CD4: variants seen among roughly 807,000 people sequenced by gnomAD.
CD4 encodes the protein CD4 molecule, also known as T-cell surface glycoprotein CD4.
A neutral mutation model predicts 50.5 loss-of-function variants in CD4; 25 were observed. The ratio of observed to expected loss-of-function variants is 0.49; its 90% CI spans 0.36 to 0.69. CD4 has a LOEUF of 0.69. CD4 is among the 30% of genes least tolerant of loss of function. The pLI is 0.00. For missense variants in CD4, 456 were observed against 548.5 expected (o/e 0.83, Z 1.68); for synonymous variants, 207 against 221.9 (o/e 0.93, Z 0.60).
chr12:6,797,171 C>A (rs564252521), intron 1 of CD4, among the ~76,000 whole-genome samples: 1 of 152,106 alleles, frequency 6.6e-6, no homozygotes, highest in Non-Finnish European at 1.5e-5. Context: ...TGATCCAGGA[C>A]TTTGGGAATC....
intron 1 of CD4, among the ~76,000 whole-genome samples, chr12:6,795,804 C>T (rs1460474476): frequency 6.6e-6 from 1 of 152,210 alleles, no homozygotes; most frequent in South Asian, 2.1e-4. Context: ...CTTTCCCCCA[C>T]CCTTCCATCT....
At position 6,818,904 on chromosome 12, in the gene CD4, C is replaced by T; in HGVS notation, c.1336C>T (p.Gln446Ter). The change falls in exon 9 of 10, where the codon CAG (glutamine) becomes TAG (stop). Residue 446 changes from glutamine (Q) to a stop codon, truncating the protein, a stop_gained. Coordinates refer to ENST00000011653, the MANE Select transcript of CD4 (RefSeq NM_000616.5). LOFTEE classifies it high-confidence loss of function. This position sits in a 1 kb window ranked among gnomAD's most constrained non-coding sequence, Gnocchi z 5.0. ...ACTCCTCAGTGAGAAGAAGACCTGC[C>T]AGTGTCCTCAGTAAGGATCTGGGAG... ...KRLLSEKKTC[Q>*]CPHRFQKTCS... 1 of 1,603,034 alleles carries T rather than the reference C, an allele frequency of 6.2e-7. No individual in the cohort carries two copies. The highest frequency in any genetic ancestry group is 8.5e-7 in the Non-Finnish European group (1 of 1,173,038).
chr12:6,806,009 A>T (rs1196810561), intron 3 of CD4, among the ~76,000 whole-genome samples: 2 of 151,914 alleles, frequency 1.3e-5, no homozygotes, highest in Non-Finnish European at 2.9e-5. Context: ...ATTAAGAAGA[A>T]GAAAAGAGGC....
intron 1 of CD4, among the ~76,000 whole-genome samples, chr12:6,789,981 G>C (rs563720932): frequency 6.6e-6 from 1 of 152,284 alleles, no homozygotes; most frequent in South Asian, 2.1e-4. Context: ...TCCCAGGCTG[G>C]GAAAGGCGTG....
chr12:6,809,864 C>T (rs1317552378), intron 3 of CD4, among the ~76,000 whole-genome samples: 4 of 151,530 alleles, frequency 2.6e-5, no homozygotes, highest in African/African-American at 9.7e-5. Context: ...TTGCTGCTCC[C>T]CGTCTCTAGT....
At chr12:6,809,893 T>TC (rs1942886460) in intron 3 of CD4, among the ~76,000 whole-genome samples, 1 of 141,746 alleles carries the variant, frequency 7.1e-6, no homozygotes, top group African/African-American at 2.9e-5. Flanking sequence ...TATACCTCTT[T>TC]TTTTTTTTTT....
Position 6,819,546 on chromosome 12 carries a change from ATTTCCT to A in CD4, c.*225_*230del. 1.7e-6 allele frequency: 1 copy of A among 591,428 alleles called. No individual in the cohort carries two copies. The highest frequency in any genetic ancestry group is 2.8e-5 in the East Asian group (1 of 35,148). 36.6% of individuals were successfully genotyped at this position (591,428 alleles called of 1,614,324 possible). A position where few individuals can be genotyped will look rare whatever the true frequency, so the allele number is the denominator to read the frequency against. On this transcript the variant is annotated 3_prime_UTR_variant, in exon 10 of 10. Coordinates refer to ENST00000011653, the MANE Select transcript of CD4 (RefSeq NM_000616.5). Reference sequence around the variant, plus strand: ...GCTTAATCACACCGTCCTCCACGCCATTTCCTTTTCCTTCAAGCCTAGCCCTTCTCT... The same window carrying A: ...GCTTAATCACACCGTCCTCCACGCCATTTCCTTCAAGCCTAGCCCTTCTCT...
rs191753870 is a variant in CD4 at position 6,804,090 on chromosome 12, G to A, written c.214+3619G>A. On this transcript the variant is annotated intron_variant, in intron 3 of 9. Coordinates refer to ENST00000011653, the MANE Select transcript of CD4 (RefSeq NM_000616.5). ...CGCGCCACTACACTCCAGCCTAGGCGACAGAGCAAGACTCTGTCTCAAAAT... is the reference window on the plus strand; with the variant it reads ...CGCGCCACTACACTCCAGCCTAGGCAACAGAGCAAGACTCTGTCTCAAAAT... Among the ~76,000 whole-genome samples, 284 of 151,300 alleles carry A rather than the reference G, an allele frequency of 1.9e-3. 1 individual carries two copies. In the South Asian group the frequency reaches 0.022, roughly 12 times the overall value.
chr12:6,796,260 T>C (rs972872731), intron 1 of CD4, among the ~76,000 whole-genome samples: 1 of 151,962 alleles, frequency 6.6e-6, no homozygotes, highest in African/African-American at 2.4e-5. Context: ...ATACACAAAG[T>C]AGAAGGTGGA....
At chr12:6,804,101 A>G (rs1555115792) in intron 3 of CD4, among the ~76,000 whole-genome samples, 1 of 147,090 alleles carries the variant, frequency 6.8e-6, no homozygotes, top group East Asian at 2.0e-4. Flanking sequence ...ACAGAGCAAG[A>G]CTCTGTCTCA....
Position 6,819,590 on chromosome 12 carries a change from C to G in CD4, c.*261C>G, listed in dbSNP as rs1555118740. The G allele has an allele frequency of 1.9e-6, 1 of 533,484 alleles. No individual in the cohort carries two copies. Among genetic ancestry groups the G allele is most frequent in the African/African-American group, 1.9e-5 (1 of 52,122 alleles). The allele number at this position is 533,484 out of a possible 1,614,324, so 33.0% of individuals were successfully genotyped here. A position where few individuals can be genotyped will look rare whatever the true frequency, so the allele number is the denominator to read the frequency against. ...CTAGCCCTTCTCTCATTATTTCTCT[C>G]TGACCCTCTCCCCACTGCTCATTTG... On this transcript the variant is annotated 3_prime_UTR_variant, in exon 10 of 10. Coordinates refer to ENST00000011653, the MANE Select transcript of CD4 (RefSeq NM_000616.5).
At chr12:6,815,229 GT>G (rs1165031134) in intron 5 of CD4, among the ~76,000 whole-genome samples, 7 of 152,120 alleles carry the variant, frequency 4.6e-5, no homozygotes, top group African/African-American at 1.7e-4. Context: ...GCTGGGGAAG[GT>G]AAGGATGCTA....
chr12:6,818,798 C>G lies in CD4; in HGVS notation c.1279-49C>G. ...ACTCCCCCCACCAAGGGGCACCTCC[C>G]TTCTGGAGGCCTGGGACCCTCGTGA... On this transcript the variant is annotated intron_variant, in intron 8 of 9. Coordinates refer to ENST00000011653, the MANE Select transcript of CD4 (RefSeq NM_000616.5). This position sits in a 1 kb window ranked among gnomAD's most constrained non-coding sequence, Gnocchi z 5.0. 6.5e-7 allele frequency: 1 copy of G among 1,539,264 alleles called. No homozygotes were observed. The highest frequency in any genetic ancestry group is 1.1e-5 in the South Asian group (1 of 89,626).
In CD4 at chr12:6,816,073, A is replaced by G; in HGVS notation, c.625A>G (p.Ser209Gly). ...IVVLAFQKAS[S>G]IVYKKEGEQV... ...ACCTCCAGCTTTCCAGAAGGCCTCC[A>G]GCATAGTCTATAAGAAAGAGGGGGA... The change falls in exon 6 of 10, where the codon AGC becomes GGC. Residue 209 changes from serine to glycine, a missense_variant. Ser to Gly is a moderately conservative substitution (Grantham distance 56). Coordinates refer to ENST00000011653, the MANE Select transcript of CD4 (RefSeq NM_000616.5). The surrounding 1 kb of genome is among the most constrained non-coding windows in gnomAD (Gnocchi z 4.9). 2 of 1,614,114 alleles carry G rather than the reference A, an allele frequency of 1.2e-6. No homozygotes were observed. The highest frequency in any genetic ancestry group is 1.3e-5 in the African/African-American group (1 of 75,020).
rs57392353 is a variant in CD4, at chr12:6,804,162, G to GCACA, written c.214+3718_214+3721dup. Among the ~76,000 whole-genome samples, 1,035 of 150,454 alleles carry GCACA rather than the reference G, an allele frequency of 6.9e-3. 10 individuals are homozygous for GCACA. Among genetic ancestry groups the GCACA allele is most frequent in the East Asian group, 0.017 (85 of 5,146 alleles). The stretch of plus-strand genomic sequence containing the variant: ...AATAAATAAATAAATAAAATAAAAA[G>GCACA]CACACACACACACACACACACACAC... On this transcript the variant is annotated intron_variant, in intron 3 of 9. Transcript: ENST00000011653.
chr12:6,810,727 G>A (rs919652137), intron 3 of CD4, among the ~76,000 whole-genome samples: 7 of 152,326 alleles, frequency 4.6e-5, no homozygotes, highest in African/African-American at 1.7e-4. Context: ...ACGCTTTTAA[G>A]AAGTTTGGTA....
At chr12:6,791,356 C>T (rs1408558982) in intron 1 of CD4, among the ~76,000 whole-genome samples, 2 of 152,210 alleles carry the variant, frequency 1.3e-5, no homozygotes, top group Admixed American at 6.5e-5. Flanking sequence ...GATTCTCCTG[C>T]CTCAGCCTCT....
At chr12:6,803,877 C>T (rs1178416109) in intron 3 of CD4, among the ~76,000 whole-genome samples, 3 of 151,140 alleles carry the variant, frequency 2.0e-5, no homozygotes, top group African/African-American at 2.4e-5. Context: ...TTTGGGAGGC[C>T]GAGGTGGACA....
At chr12:6,807,546 G>T (rs895933205) in intron 3 of CD4, among the ~76,000 whole-genome samples, 21 of 152,060 alleles carry the variant, frequency 1.4e-4, no homozygotes, top group Non-Finnish European at 2.2e-4. Flanking sequence ...ATGAGTGATT[G>T]CCAGGGGTTA....
Sources: gnomAD v4.1 joint callset for allele counts (sites outside exome capture counted in the v4.1 genomes callset) on GRCh38, gnomAD v4.1.1 for gene constraint, Gnocchi (gnomAD v3.1) non-coding constraint, MANE v1.5 for transcripts, NCBI Gene and HGNC (gene_info 2026-07-23, HGNC 2026-07-21) for gene names.